Variants in ABR observed in about 807,000 individuals in gnomAD.
ABR encodes the protein ABR activator of RhoGEF and GTPase, also known as active breakpoint cluster region-related protein.
In ABR, 35 loss-of-function variants were observed where a neutral mutation model predicts 107.2. The observed-to-expected ratio is 0.33, with a 90% CI of 0.25 to 0.43. ABR has a LOEUF of 0.43. Ranked by LOEUF, ABR falls within the 20% of genes least tolerant of loss-of-function variation. The pLI, the probability that ABR is intolerant of heterozygous loss-of-function variation, is 1.00. For missense variants in ABR, 815 were observed against 1,115.2 expected (o/e 0.73, Z 3.83); for synonymous variants, 498 against 462.0 (o/e 1.08, Z -1.00).
chr17:1,217,688 C>G (rs998297195), intron 1 of ABR, among the ~76,000 whole-genome samples: 1 of 152,088 alleles, frequency 6.6e-6, no homozygotes, highest in Non-Finnish European at 1.5e-5. Context: ...ACAGCGTGCT[C>G]TTATTTATTT....
At chr17:1,093,550 T>C (rs1262336619) in intron 3 of ABR, among the ~76,000 whole-genome samples, 1 of 152,124 alleles carries the variant, frequency 6.6e-6, no homozygotes, top group Non-Finnish European at 1.5e-5. Flanking sequence ...GGGGTCAGAT[T>C]CGGGCTCACT....
chr17:1,153,942 C>T, intron 1 of ABR: 1 of 166,184 alleles, frequency 6.0e-6, no homozygotes, highest in Non-Finnish European at 1.3e-5. Context: ...CAACAGGCTC[C>T]CGCTCCAGCC....
At chr17:1,217,904 A>G (rs1044529828) in intron 1 of ABR, among the ~76,000 whole-genome samples, 1 of 152,210 alleles carries the variant, frequency 6.6e-6, no homozygotes, top group African/African-American at 2.4e-5. Flanking sequence ...CATGTTGGCC[A>G]GGCTGGTCTT....
intron 2 of ABR, among the ~76,000 whole-genome samples, chr17:1,117,659 G>A (rs1191488104): frequency 1.8e-5 from 1 of 54,580 alleles, no homozygotes. Context: ...TTATCCCTGA[G>A]CCCGAGTTCC....
intron 5 of ABR, among the ~76,000 whole-genome samples, chr17:1,080,747 G>A (rs1419384865): frequency 8.0e-6 from 1 of 125,516 alleles, no homozygotes; most frequent in Non-Finnish European, 1.6e-5. Flanking sequence ...GCTTGGGTGT[G>A]TGTATATTTT....
At chr17:1,047,372 A>T (rs1469417761) in intron 16 of ABR, among the ~76,000 whole-genome samples, 1 of 152,214 alleles carries the variant, frequency 6.6e-6, no homozygotes, top group African/African-American at 2.4e-5. Flanking sequence ...TCGTGGGAAC[A>T]GCTCCGTGTG....
intron 4 of ABR, among the ~76,000 whole-genome samples, chr17:1,087,839 T>C (rs909179347): frequency 7.9e-5 from 12 of 152,202 alleles, no homozygotes; most frequent in Admixed American, 6.5e-4. Context: ...GAGGCCTGCG[T>C]CCAGGGTCAC....
chr17:1,083,595 G>T lies in ABR; in HGVS notation c.564C>A (p.Val188=). 6.2e-7 allele frequency: 1 copy of T among 1,612,990 alleles called. No individual in the cohort carries two copies. Among genetic ancestry groups the T allele is most frequent in the South Asian group, 1.1e-5 (1 of 91,048 alleles). ...TCTCCAGAGCGACTTTATAGTTATCGACAAACGCTTTGTACACACCGAGCT... is the reference window on the plus strand; with the variant it reads ...TCTCCAGAGCGACTTTATAGTTATCTACAAACGCTTTGTACACACCGAGCT... The part of the protein sequence containing the change: ...ASQLGVYKAF[V]DNYKVALETA... Residue 188 remains valine, a synonymous_variant, in exon 5 of 23, where the codon GTC becomes GTA. Coordinates refer to ENST00000302538, the MANE Select transcript of ABR (RefSeq NM_021962.5).
At chr17:1,216,044 C>A (rs112794661) in intron 1 of ABR, among the ~76,000 whole-genome samples, 1 of 150,128 alleles carries the variant, frequency 6.7e-6, no homozygotes, top group African/African-American at 2.4e-5. Flanking sequence ...CTGCGGAAGG[C>A]CGCAGGGTCC....
intron 1 of ABR, chr17:1,126,263 C>G (rs531445782): frequency 1.3e-5 from 2 of 152,672 alleles, no homozygotes; most frequent in South Asian, 4.1e-4. Context: ...CCAGCCCCAC[C>G]AGCATGGCTA....
intron 4 of ABR, among the ~76,000 whole-genome samples, chr17:1,085,157 G>C (rs2036513558): frequency 7.4e-6 from 1 of 135,750 alleles, no homozygotes. Context: ...CTGTCACCCA[G>C]GCTGGAATGC....
Position 1,092,205 on chromosome 17 carries a change from A to C in ABR, c.346-355T>G, listed in dbSNP as rs1441931315. On this transcript the variant is annotated intron_variant, in intron 3 of 22. Transcript: ENST00000302538. The surrounding 1 kb of genome is among the most constrained non-coding windows in gnomAD (Gnocchi z 4.6). ...CCCCGAGTCATAAGCTCCTTGTCAC[A>C]CTTCAGTGGAAGGGAGGGTTGACAG... Among the ~76,000 whole-genome samples, 1 of 152,134 alleles carries C rather than the reference A, an allele frequency of 6.6e-6. No individual in the cohort carries two copies. Among genetic ancestry groups the C allele is most frequent in the Non-Finnish European group, 1.5e-5 (1 of 68,026 alleles).
At chr17:1,189,953 G>A (rs936623944), upstream of ABR, among the ~76,000 whole-genome samples, 2 of 152,186 alleles carry the variant, frequency 1.3e-5, no homozygotes, top group Non-Finnish European at 2.9e-5. Flanking sequence ...AAAGAGCCTG[G>A]AATGAGGCAG....
intron 16 of ABR, among the ~76,000 whole-genome samples, chr17:1,016,424 C>G (rs1287874419): frequency 1.3e-5 from 2 of 150,886 alleles, no homozygotes; most frequent in East Asian, 2.0e-4. Flanking sequence ...TCAAGTGATT[C>G]TCCTGCCTCA....
intron 10 of ABR, among the ~76,000 whole-genome samples, chr17:1,060,339 G>A (rs1013015931): frequency 6.6e-6 from 1 of 152,078 alleles, no homozygotes; most frequent in Non-Finnish European, 1.5e-5. Flanking sequence ...GAACCCGGGA[G>A]GTGGAAGTTC....
chr17:1,217,587 C>T (rs763736748), intron 1 of ABR, among the ~76,000 whole-genome samples: 2 of 152,220 alleles, frequency 1.3e-5, no homozygotes, highest in African/African-American at 2.4e-5. Context: ...AATATAAACA[C>T]TGAGGTGCAA....
Position 1,050,430 on chromosome 17 carries a change from G to T in ABR, c.1659+107C>A. 9.0e-7 allele frequency: 1 copy of T among 1,111,194 alleles called. No homozygotes were observed. The highest frequency in any genetic ancestry group is 1.4e-6 in the Non-Finnish European group (1 of 733,440). The allele number at this position is 1,111,194 out of a possible 1,614,324, so 68.8% of individuals were successfully genotyped here. A position where few individuals can be genotyped will look rare whatever the true frequency, so the allele number is the denominator to read the frequency against. ...CCAGAGGAGCAGGGAGCAGAAAGGGGGGTGCAGACATAGCTGGTCCAACCA... is the reference window on the plus strand; with the variant it reads ...CCAGAGGAGCAGGGAGCAGAAAGGGTGGTGCAGACATAGCTGGTCCAACCA... On this transcript the variant is annotated intron_variant, in intron 15 of 22. Coordinates refer to ENST00000302538, the MANE Select transcript of ABR (RefSeq NM_021962.5). This position sits in a 1 kb window ranked among gnomAD's most constrained non-coding sequence, Gnocchi z 4.6.
chr17:1,093,854 G>A (rs148387680), intron 3 of ABR, among the ~76,000 whole-genome samples: 134 of 152,282 alleles, frequency 8.8e-4, no homozygotes, highest in African/African-American at 3.1e-3. Context: ...CATCTACTCA[G>A]ACACCCAGAT....
chr17:1,201,200 G>T (rs1442898608), intron 1 of ABR, among the ~76,000 whole-genome samples: 1 of 152,206 alleles, frequency 6.6e-6, no homozygotes, highest in Admixed American at 6.5e-5. Context: ...CGGTGTCCAC[G>T]AGGCTGCTGC....
Sources: allele counts gnomAD v4.1 joint callset (sites outside exome capture counted in the v4.1 genomes callset), GRCh38; gene constraint gnomAD v4.1.1; non-coding constraint Gnocchi (gnomAD v3.1); transcripts MANE v1.5; gene names NCBI Gene and HGNC (gene_info 2026-07-23, HGNC 2026-07-21).